Variants in PNPO observed in about 807,000 individuals in gnomAD.
The protein encoded by PNPO is pyridoxamine 5'-phosphate oxidase.
In PNPO, 39 loss-of-function variants were observed where a neutral mutation model predicts 35.0. The ratio of observed to expected loss-of-function variants is 1.11; its 90% CI spans 0.86 to 1.45. The LOEUF is 1.45. Among genes scored for constraint, PNPO ranks in the 40% most tolerant of loss-of-function variants. The probability of loss-of-function intolerance (pLI) is 0.00; values close to 1 mark genes in which losing one functional copy is unlikely to be tolerated. For missense variants in PNPO, 288 were observed against 340.0 expected, an observed-to-expected ratio of 0.85 and a Z score of 1.20; for synonymous variants, 115 against 119.8, an observed-to-expected ratio of 0.96 and a Z score of 0.26.
In PNPO at chr17:47,945,810, G is replaced by T; in HGVS notation, c.418-51G>T. ...GAGAGGAACGGGGCCTGTGCTGGTA[G>T]GGAGGGCAGGTGGCATTTAATGCCA... On this transcript the variant is annotated intron_variant, in intron 4 of 6. Transcript: ENST00000642017. The surrounding 1 kb of genome is among the most constrained non-coding windows in gnomAD (Gnocchi z 4.0). The T allele has an allele frequency of 6.2e-7, 1 of 1,602,434 alleles. No individual in the cohort carries two copies. The highest frequency in any genetic ancestry group is 1.1e-5 in the South Asian group (1 of 90,078).
intron 1 of PNPO, 59 bp downstream of exon 1, chr17:47,941,872 A>C: frequency 6.6e-7 from 1 of 1,512,726 alleles, no homozygotes; most frequent in Non-Finnish European, 8.9e-7. Flanking sequence ...CCCCGGAGTC[A>C]TCTACAGCGG....
chr17:47,941,821 C>T lies in PNPO; in HGVS notation c.138+8C>T, dbSNP rs1165063198. On this transcript the variant is annotated splice_region_variant and intron_variant, in intron 1 of 6. Transcript: ENST00000642017. The stretch of plus-strand genomic sequence containing the variant: ...TACCGCGGGGACCGAGAGGTGCCGC[C>T]GCTAGGGCCAGGCCTCCTGCAGGGG... 5 of 1,562,818 alleles carry T rather than the reference C, an allele frequency of 3.2e-6. No individual in the cohort carries two copies. Among genetic ancestry groups the T allele is most frequent in the Non-Finnish European group, 2.6e-6 (3 of 1,152,600 alleles).
In PNPO at chr17:47,943,412, GT is replaced by G. The variant is rs1485001564; in HGVS notation, c.246del (p.Leu83TrpfsTer17). ...GACATAGGGGAAGCCAATGCCATGT[GT>G]CTGGCTACCTGCACCAGGTGGGCAT... The part of the protein sequence containing the change: ...CPDIGEANAM[C>X]LATCTRDGKP... On this transcript the variant is annotated frameshift_variant, in exon 2 of 7. Transcript: ENST00000642017. LOFTEE classifies it high-confidence loss of function. 13 of 1,613,872 alleles carry G rather than the reference GT, an allele frequency of 8.1e-6. No individual in the cohort carries two copies. The highest frequency in any genetic ancestry group is 1.0e-5 in the Non-Finnish European group (12 of 1,179,818).
At position 47,946,654 on chromosome 17, in the gene PNPO, C is replaced by G. The variant is rs1279839198; in HGVS notation, c.658C>G (p.Gln220Glu). The change falls in exon 7 of 7, where the codon CAA becomes GAA. Residue 220 changes from glutamine to glutamate, a missense_variant. Coordinates refer to ENST00000642017, the MANE Select transcript of PNPO (RefSeq NM_018129.4). ...GTACCCTCAGGTGATGGAGTTCTGG[C>G]AAGGTCAAACCAACCGCCTGCATGA... ...VLYPQVMEFW[Q>E]GQTNRLHDRI... The G allele has an allele frequency of 6.2e-7, 1 of 1,614,074 alleles. No homozygotes were observed. The highest frequency in any genetic ancestry group is 1.3e-5 in the African/African-American group (1 of 74,940).
Position 47,941,728 on chromosome 17 carries a change from G to A in PNPO, c.53G>A (p.Trp18Ter). 1.9e-6 allele frequency: 3 copies of A among 1,549,358 alleles called. No individual in the cohort carries two copies. The highest frequency in any genetic ancestry group is 2.6e-6 in the Non-Finnish European group (3 of 1,145,642). The change falls in exon 1 of 7, where the codon TGG becomes TAG. Residue 18 changes from tryptophan (W) to a stop codon, truncating the protein, a stop_gained. Transcript: ENST00000642017. LOFTEE classifies it high-confidence loss of function. ...GCGACGTTCGGGCGACCTGCCGAGT[G>A]GCCAGGCTACCTCAGTCACCTGTGT... ...VTATFGRPAE[W>*]PGYLSHLCGR...
Position 47,946,883 on chromosome 17 carries a change from T to C in PNPO, c.*101T>C, listed in dbSNP as rs1406277505. 3 of 1,064,442 alleles carry C rather than the reference T, an allele frequency of 2.8e-6. No homozygotes were observed. The highest frequency in any genetic ancestry group is 1.8e-5 in the Admixed American group (1 of 54,506). The allele number at this position is 1,064,442 out of a possible 1,614,324, so 65.9% of individuals were successfully genotyped here. On this transcript the variant is annotated 3_prime_UTR_variant, in exon 7 of 7. Transcript: ENST00000642017. Reference sequence around the variant, plus strand: ...TCTTTCTAAACTCAACCCATTTCCCTCCCTACCCCTTATCTTCAGGACTCT... The same window carrying C: ...TCTTTCTAAACTCAACCCATTTCCCCCCCTACCCCTTATCTTCAGGACTCT...
At position 47,941,747 on chromosome 17, in the gene PNPO, C is replaced by T. The variant is rs1476863756; in HGVS notation, c.72C>T (p.His24=). ...RPAEWPGYLS[H]LCGRSAAMDL... Reference sequence around the variant, plus strand: ...CCGAGTGGCCAGGCTACCTCAGTCACCTGTGTGGTCGCAGTGCTGCCATGG... The same window carrying T: ...CCGAGTGGCCAGGCTACCTCAGTCATCTGTGTGGTCGCAGTGCTGCCATGG... The change falls in exon 1 of 7, where the codon CAC becomes CAT. Residue 24 remains histidine (H), a synonymous_variant. Coordinates refer to ENST00000642017, the MANE Select transcript of PNPO (RefSeq NM_018129.4). 3 of 1,558,108 alleles carry T rather than the reference C, an allele frequency of 1.9e-6. No homozygotes were observed. Among genetic ancestry groups the T allele is most frequent in the Non-Finnish European group, 2.6e-6 (3 of 1,150,872 alleles).
chr17:47,945,088 T>A lies in PNPO; in HGVS notation c.363+373T>A, dbSNP rs2035991180. On this transcript the variant is annotated intron_variant, in intron 3 of 6. Transcript: ENST00000642017. This position sits in a 1 kb window ranked among gnomAD's most constrained non-coding sequence, Gnocchi z 4.0. ...CTGAGCATTTGTTTGGGTGATTATG[T>A]AACTGATATTTGTCTCCTCTGCTCA... 2 of 388,656 alleles carry A rather than the reference T, an allele frequency of 5.1e-6. No individual in the cohort carries two copies. The highest frequency in any genetic ancestry group is 9.8e-6 in the Non-Finnish European group (2 of 204,202). 24.1% of individuals were successfully genotyped at this position (388,656 alleles called of 1,614,324 possible). A position where few individuals can be genotyped will look rare whatever the true frequency, so the allele number is the denominator to read the frequency against.
At chr17:47,943,159 G>A in intron 1 of PNPO, 147 bp from the exon 2 acceptor site, 1 of 618,732 alleles carries the variant, frequency 1.6e-6, no homozygotes, top group South Asian at 1.7e-5. Context: ...ATGGGGCACA[G>A]AATCTTCTTA....
chr17:47,946,383 C>A lies in PNPO; in HGVS notation c.607C>A (p.Pro203Thr). 6.2e-7 allele frequency: 1 copy of A among 1,612,414 alleles called. No individual in the cohort carries two copies. The highest frequency in any genetic ancestry group is 8.5e-7 in the Non-Finnish European group (1 of 1,178,488). ...CTACCAGGATCAAGAGGTGCCCAAG[C>A]CAAAATCCTGGTGAGTGACATCTGG... Reference protein sequence around the residue: ...QLYQDQEVPKPKSWGGYVLYP... With the variant: ...QLYQDQEVPKTKSWGGYVLYP... Residue 203 changes from proline to threonine, a missense_variant, in exon 6 of 7, where the codon CCA becomes ACA. Physicochemically the swap from Pro to Thr is conservative, Grantham distance 38. Coordinates refer to ENST00000642017, the MANE Select transcript of PNPO (RefSeq NM_018129.4).
At chr17:47,944,788 A>G in intron 3 of PNPO, 73 bp downstream of exon 3, 1 of 1,146,794 alleles carries the variant, frequency 8.7e-7, no homozygotes, top group African/African-American at 1.5e-5. Context: ...TCACCTTCTT[A>G]TGCCACCCCA....
Position 47,945,363 on chromosome 17 carries a change from C to T in PNPO, c.364-196C>T, listed in dbSNP as rs2035993664. ...TTAAACTTAGCTCCACCACTTCCTG[C>T]AGGAACTTGGGCACGTGACTTAGCC... On this transcript the variant is annotated intron_variant, in intron 3 of 6. Transcript: ENST00000642017. The surrounding 1 kb of genome is among the most constrained non-coding windows in gnomAD (Gnocchi z 4.0). The T allele has an allele frequency of 3.3e-6, 2 of 601,850 alleles. No homozygotes were observed. Among genetic ancestry groups the T allele is most frequent in the South Asian group, 3.6e-5 (2 of 55,146 alleles). The allele number at this position is 601,850 out of a possible 1,614,324, so 37.3% of individuals were successfully genotyped here.
chr17:47,946,323 T>G lies in PNPO; in HGVS notation c.547T>G (p.Tyr183Asp), dbSNP rs1315253583. The G allele has an allele frequency of 6.2e-7, 1 of 1,610,020 alleles. No individual in the cohort carries two copies. The highest frequency in any genetic ancestry group is 1.3e-5 in the African/African-American group (1 of 74,972). ...TCTTCTAACTCTTCCCCCTGGACAG[T>G]ATCTGAGAAAGAAAAATGAGGAACT... ...HQSSVIPDRE[Y>D]LRKKNEELEQ... The change falls in exon 6 of 7, where the codon TAT becomes GAT. Residue 183 changes from tyrosine (Y) to aspartate (D), a missense_variant and splice_region_variant. Transcript: ENST00000642017.
In PNPO at chr17:47,941,681, G is replaced by C. The variant is rs767880515; in HGVS notation, c.6G>C (p.Thr2=). The C allele has an allele frequency of 6.5e-6, 10 of 1,537,444 alleles. 1 individual carries two copies. The South Asian group carries it at 1.2e-4, about 18-fold the overall frequency. Residue 2 remains threonine (T), a synonymous_variant, in exon 1 of 7, where the codon ACG becomes ACC. Transcript: ENST00000642017. ...CACGTGGCCGGCGGCCCCCCATGAC[G>C]TGCTGGCTGCGGGGCGTCACGGCGA... The part of the protein sequence containing the change: M[T]CWLRGVTATF...
rs1479745926 is a variant in PNPO at position 47,947,418 on chromosome 17, T to TCG, written c.*637_*638insGC. Reference sequence around the variant, plus strand: ...CACCCCACTATCTCTGTAAAGTCTCTCTCTCTCTTTTTTTTTTTTTTACTT... The same window carrying TCG: ...CACCCCACTATCTCTGTAAAGTCTCTCGCTCTCTCTTTTTTTTTTTTTTACTT... On this transcript the variant is annotated 3_prime_UTR_variant, in exon 7 of 7. Transcript: ENST00000642017. 7.8e-6 allele frequency: 1 copy of TCG among 127,584 alleles called. No homozygotes were observed. The highest frequency in any genetic ancestry group is 1.6e-5 in the Non-Finnish European group (1 of 61,396). The allele number at this position is 127,584 out of a possible 1,614,324, so 7.9% of individuals were successfully genotyped here. A position where few individuals can be genotyped will look rare whatever the true frequency, so the allele number is the denominator to read the frequency against.
chr17:47,947,534 C>CTT lies in PNPO; in HGVS notation c.*763_*764dup, dbSNP rs199634607. On this transcript the variant is annotated 3_prime_UTR_variant, in exon 7 of 7. Coordinates refer to ENST00000642017, the MANE Select transcript of PNPO (RefSeq NM_018129.4). Reference sequence around the variant, plus strand: ...TTTTTCTTTTTTTCTTTTTTCTTTTCTTTTTTTTTTTTGAGATGGAGTCTC... The same window carrying CTT: ...TTTTTCTTTTTTTCTTTTTTCTTTTCTTTTTTTTTTTTTTGAGATGGAGTCTC... 320 of 104,630 alleles carry CTT rather than the reference C, an allele frequency of 3.1e-3. 3 individuals carry two copies. The highest frequency in any genetic ancestry group is 8.4e-3 in the Admixed American group (86 of 10,220). 6.5% of individuals were successfully genotyped at this position (104,630 alleles called of 1,614,324 possible).
rs2035969030 is a variant in PNPO, at chr17:47,943,391, T to G, written c.224T>G (p.Ile75Arg). The G allele has an allele frequency of 6.2e-7, 1 of 1,613,888 alleles. No individual in the cohort carries two copies. Among genetic ancestry groups the G allele is most frequent in the South Asian group, 1.1e-5 (1 of 91,092 alleles). The change falls in exon 2 of 7, where the codon ATA becomes AGA. Residue 75 changes from isoleucine to arginine, a missense_variant. Physicochemically the swap from Ile to Arg is moderately conservative, Grantham distance 97 (BLOSUM62 -3). Transcript: ENST00000642017. ...WFEEAVQCPDIGEANAMCLAT... is the reference protein window; with the variant it reads ...WFEEAVQCPDRGEANAMCLAT... ...GAGGAGGCTGTTCAGTGTCCTGACA[T>G]AGGGGAAGCCAATGCCATGTGTCTG...
In PNPO at chr17:47,941,619, G is replaced by C. The variant is rs760344959; in HGVS notation, c.-57G>C. The stretch of plus-strand genomic sequence containing the variant: ...AAGTCCAGGGTGAGAAATTGGTTCC[G>C]AACTCAAAGGAACCCAGTGCCGGGC... On this transcript the variant is annotated 5_prime_UTR_variant, in exon 1 of 7. Transcript: ENST00000642017. 2 of 1,470,852 alleles carry C rather than the reference G, an allele frequency of 1.4e-6. No individual in the cohort carries two copies. The highest frequency in any genetic ancestry group is 2.8e-5 in the African/African-American group (2 of 71,134). 91.1% of individuals were successfully genotyped at this position (1,470,852 alleles called of 1,614,324 possible). A position where few individuals can be genotyped will look rare whatever the true frequency, so the allele number is the denominator to read the frequency against.
At chr17:47,946,533 C>A in intron 6 of PNPO, 81 bp from the exon 7 acceptor site, 1 of 1,507,722 alleles carries the variant, frequency 6.6e-7, no homozygotes, top group Non-Finnish European at 9.2e-7. Context: ...TTCAAGAGGC[C>A]CTGGGATGAG....
Sources: allele counts gnomAD v4.1 joint callset, GRCh38; gene constraint gnomAD v4.1.1; non-coding constraint Gnocchi (gnomAD v3.1); transcripts MANE v1.5; gene names NCBI Gene and HGNC (gene_info 2026-07-23, HGNC 2026-07-21).